DEF8: variants seen among roughly 807,000 people sequenced by gnomAD.
DEF8 encodes differentially expressed in FDCP 8 homolog.
Under a neutral mutation model 59.1 loss-of-function variants are expected in DEF8, and 38 were observed. That is an observed-to-expected ratio of 0.64 (90% confidence interval 0.50 to 0.84). The LOEUF (loss-of-function observed/expected upper bound fraction) is 0.84, where lower values mean the gene tolerates loss of function less well. Ranked by LOEUF, DEF8 falls within the 40% of genes least tolerant of loss-of-function variation. The pLI is 0.00. For missense variants in DEF8, 557 were observed against 615.2 expected, an observed-to-expected ratio of 0.91 and a Z score of 1.00; for synonymous variants, 265 against 250.1, an observed-to-expected ratio of 1.06 and a Z score of -0.56.
chr16:89,949,159 C>T (rs1326278471), intron 1 of DEF8, among the ~76,000 whole-genome samples: 1 of 150,306 alleles, frequency 6.7e-6, no homozygotes, highest in African/African-American at 2.4e-5. Context: ...GGCGCAGGGG[C>T]CTCGAGACCT....
rs2034058836 is a variant in DEF8 at position 89,961,777 on chromosome 16, C to T, written c.720C>T (p.Gly240=). The T allele has an allele frequency of 1.2e-6, 2 of 1,613,520 alleles. No homozygotes were observed. Among genetic ancestry groups the T allele is most frequent in the Non-Finnish European group, 1.7e-6 (2 of 1,179,960 alleles). ...PSEARQCDYT[G]QYYCSHCHWN... ...AGGCCAGGCAGTGCGACTACACCGGCCAGTACTACTGCAGCCACTGCCACT... is the reference window on the plus strand; with the variant it reads ...AGGCCAGGCAGTGCGACTACACCGGTCAGTACTACTGCAGCCACTGCCACT... Residue 240 remains glycine, a synonymous_variant, in exon 8 of 13, where the codon GGC becomes GGT. Coordinates refer to ENST00000563594, the MANE Select transcript of DEF8 (RefSeq NM_001242818.2).
Position 89,964,466 on chromosome 16 carries a change from C to A in DEF8, c.1144C>A (p.Arg382=). The change falls in exon 12 of 13, where the codon CGG becomes AGG. Residue 382 remains arginine (R), a splice_region_variant and synonymous_variant. Transcript: ENST00000563594. ...CCCAACCCCACACTGTTCCCCCCAG[C>A]GGTGCCAGGCCAAGGGCTTCGTGTG... is the stretch of plus-strand genomic sequence containing the variant. ...FAKHIKLDCE[R]CQAKGFVCEL... 2 of 1,587,012 alleles carry A rather than the reference C, an allele frequency of 1.3e-6. No homozygotes were observed. Among genetic ancestry groups the A allele is most frequent in the Non-Finnish European group, 8.6e-7 (1 of 1,167,112 alleles).
At chr16:89,955,357 C>T (rs979682308) in intron 4 of DEF8, 91 bp downstream of exon 4, 2 of 1,075,560 alleles carry the variant, frequency 1.9e-6, no homozygotes, top group African/African-American at 1.5e-5. Context: ...TCCCAGGTGG[C>T]AGGGCAGTGT....
chr16:89,958,936 A>AGTT (rs2033649515), intron 5 of DEF8, 78 bp from the exon 6 acceptor site: 1 of 1,565,046 alleles, frequency 6.4e-7, no homozygotes, highest in South Asian at 1.2e-5. Context: ...GGAAGAAATA[A>AGTT]GTTGAGGGGC....
At chr16:89,963,523 G>C in intron 10 of DEF8, 80 bp downstream of exon 10, 1 of 1,258,244 alleles carries the variant, frequency 7.9e-7, no homozygotes, top group South Asian at 1.3e-5. Flanking sequence ...GTTTTTTCCG[G>C]ACAGCTTGTG....
At position 89,967,048 on chromosome 16, in the gene DEF8, A is replaced by G. The variant is rs1157109706; in HGVS notation, c.*1085A>G. ...CCCCTGGGCAGCAGAGGAAACCTAC[A>G]GCTCTGGGTGAGGGGACACTTGGCT... On this transcript the variant is annotated 3_prime_UTR_variant, in exon 13 of 13. Transcript: ENST00000563594. 4 of 372,136 alleles carry G rather than the reference A, an allele frequency of 1.1e-5. No homozygotes were observed. Among genetic ancestry groups the G allele is most frequent in the Admixed American group, 4.6e-5 (1 of 21,778 alleles). The allele number at this position is 372,136 out of a possible 1,614,324, so 23.1% of individuals were successfully genotyped here. A position where few individuals can be genotyped will look rare whatever the true frequency, so the allele number is the denominator to read the frequency against.
At position 89,963,582 on chromosome 16, in the gene DEF8, A is replaced by T. The variant is rs2034307679; in HGVS notation, c.1002+139A>T. The T allele has an allele frequency of 1.2e-5, 8 of 646,044 alleles. No homozygotes were observed. The South Asian group carries it at 1.5e-4, about 12-fold the overall frequency. 40.0% of individuals were successfully genotyped at this position (646,044 alleles called of 1,614,324 possible). A position where few individuals can be genotyped will look rare whatever the true frequency, so the allele number is the denominator to read the frequency against. Reference sequence around the variant, plus strand: ...TCGCCTCACCACGGTCCCAAGGAACAAAGCAAACAGGTGTTCTGCCTACAA... The same window carrying T: ...TCGCCTCACCACGGTCCCAAGGAACTAAGCAAACAGGTGTTCTGCCTACAA... On this transcript the variant is annotated intron_variant, in intron 10 of 12. Transcript: ENST00000563594.
chr16:89,955,130 A>G lies in DEF8; in HGVS notation c.125-39A>G, dbSNP rs775462923. 1.7e-5 allele frequency: 25 copies of G among 1,508,446 alleles called. No homozygotes were observed. The African/African-American group carries it at 3.2e-4, about 19-fold the overall frequency. 93.4% of individuals were successfully genotyped at this position (1,508,446 alleles called of 1,614,324 possible). On this transcript the variant is annotated intron_variant, in intron 3 of 12. Coordinates refer to ENST00000563594, the MANE Select transcript of DEF8 (RefSeq NM_001242818.2). Reference sequence around the variant, plus strand: ...CCCTAGGGGATGGGAGGCAGGAGGTAGCAGCTGACGCTCCACACCTGTCCC... The same window carrying G: ...CCCTAGGGGATGGGAGGCAGGAGGTGGCAGCTGACGCTCCACACCTGTCCC...
intron 6 of DEF8, 106 bp from the exon 7 acceptor site, chr16:89,960,824 TG>T: frequency 1.7e-6 from 2 of 1,174,662 alleles, no homozygotes; most frequent in Non-Finnish European, 2.5e-6. Context: ...TAGATTGATC[TG>T]GGCCTCAGAG....
In DEF8 at chr16:89,967,420, C is replaced by T. The variant is rs1276805241; in HGVS notation, c.*1457C>T. 25 of 398,584 alleles carry T rather than the reference C, an allele frequency of 6.3e-5. No homozygotes were observed. The East Asian group carries it at 7.5e-4, about 12-fold the overall frequency. 24.7% of individuals were successfully genotyped at this position (398,584 alleles called of 1,614,324 possible). On this transcript the variant is annotated 3_prime_UTR_variant, in exon 13 of 13. Coordinates refer to ENST00000563594, the MANE Select transcript of DEF8 (RefSeq NM_001242818.2). ...GGCATCAGGAAGGGGATGGTGTCCA[C>T]TCCCCACTGTGGTGGCTTTAGGCAA...
At chr16:89,958,598 C>CCGTA in intron 5 of DEF8, 6 of 193,982 alleles carry the variant, frequency 3.1e-5, no homozygotes, top group South Asian at 1.7e-4. Flanking sequence ...TGTTCGTTTC[C>CCGTA]TCACGTAAAA....
chr16:89,966,025 G>A lies in DEF8; in HGVS notation c.*62G>A. On this transcript the variant is annotated 3_prime_UTR_variant, in exon 13 of 13. Coordinates refer to ENST00000563594, the MANE Select transcript of DEF8 (RefSeq NM_001242818.2). ...CCAGGACCCACCCTGCCAACATCAA[G>A]TTGTTCCTTCTGCTCCGGAGACCCC... 1 of 1,351,826 alleles carries A rather than the reference G, an allele frequency of 7.4e-7. No individual in the cohort carries two copies. Among genetic ancestry groups the A allele is most frequent in the Non-Finnish European group, 1.0e-6 (1 of 959,202 alleles). 83.7% of individuals were successfully genotyped at this position (1,351,826 alleles called of 1,614,324 possible). A position where few individuals can be genotyped will look rare whatever the true frequency, so the allele number is the denominator to read the frequency against.
At chr16:89,952,136 C>G (rs2032263377) in intron 2 of DEF8, among the ~76,000 whole-genome samples, 1 of 152,228 alleles carries the variant, frequency 6.6e-6, no homozygotes, top group South Asian at 2.1e-4. Flanking sequence ...CTCGGCCTCC[C>G]AATGTGCTGG....
At chr16:89,963,488 G>T in intron 10 of DEF8, 45 bp downstream of exon 10, 1 of 1,560,728 alleles carries the variant, frequency 6.4e-7, no homozygotes, top group South Asian at 1.1e-5. Flanking sequence ...AGCGCAGCCA[G>T]GGTGGTGAGG....
intron 2 of DEF8, among the ~76,000 whole-genome samples, chr16:89,951,942 T>A (rs2032196993): frequency 1.3e-5 from 2 of 151,990 alleles, no homozygotes; most frequent in South Asian, 2.1e-4. Context: ...CAGTGGTGCG[T>A]TCTCGGCTCA....
chr16:89,949,738 G>A (rs930590339), intron 2 of DEF8: 1 of 1,189,204 alleles, frequency 8.4e-7, no homozygotes, highest in Non-Finnish European at 1.2e-6. Flanking sequence ...TAAGTTGTGG[G>A]GTCCTCCCCG....
chr16:89,966,897 T>C lies in DEF8; in HGVS notation c.*934T>C, dbSNP rs1430444275. The C allele has an allele frequency of 6.0e-6, 1 of 167,494 alleles. No individual in the cohort carries two copies. The highest frequency in any genetic ancestry group is 2.4e-5 in the African/African-American group (1 of 42,128). 10.4% of individuals were successfully genotyped at this position (167,494 alleles called of 1,614,324 possible). A position where few individuals can be genotyped will look rare whatever the true frequency, so the allele number is the denominator to read the frequency against. ...TGGAGGGCTCCAGATAGCTCAGAAA[T>C]GACCAGCCAATGGCCTTTTGTTTGG... On this transcript the variant is annotated 3_prime_UTR_variant, in exon 13 of 13. Transcript: ENST00000563594.
intron 2 of DEF8, among the ~76,000 whole-genome samples, chr16:89,952,091 A>C (rs1351928103): frequency 1.3e-5 from 2 of 152,178 alleles, no homozygotes; most frequent in South Asian, 2.1e-4. Context: ...GTTAGCCAGG[A>C]TGGTTTCGAT....
chr16:89,961,851 T>C lies in DEF8; in HGVS notation c.794T>C (p.Phe265Ser). 1.2e-6 allele frequency: 2 copies of C among 1,603,226 alleles called. No homozygotes were observed. Among genetic ancestry groups the C allele is most frequent in the Non-Finnish European group, 1.7e-6 (2 of 1,173,238 alleles). Residue 265 changes from phenylalanine (F) to serine (S), a missense_variant, in exon 8 of 13, where the codon TTT becomes TCT. Physicochemically the swap from Phe to Ser is radical, Grantham distance 155. Transcript: ENST00000563594. ...IPARVVHNWD[F>S]EPRKVSRCSM... ...GCACGCGTTGTACACAACTGGGACT[T>C]TGAGCCTCGAAAGGTGGGGGTTGGA...
Sources: allele counts gnomAD v4.1 joint callset (sites outside exome capture counted in the v4.1 genomes callset), GRCh38; gene constraint gnomAD v4.1.1; transcripts MANE v1.5; gene names NCBI Gene and HGNC (gene_info 2026-07-23, HGNC 2026-07-21).